RAI1: variants seen among roughly 807,000 people sequenced by gnomAD.
RAI1 encodes the protein retinoic acid induced 1.
A neutral mutation model predicts 123.8 loss-of-function variants in RAI1; 9 were observed. That is an observed-to-expected ratio of 0.07 (90% confidence interval 0.04 to 0.13). The LOEUF is 0.13. RAI1 is among the 10% of genes least tolerant of loss of function. The pLI is 1.00. For missense variants in RAI1, 2,256 were observed against 2,545.8 expected (o/e 0.89, Z 2.45); for synonymous variants, 1,231 against 1,127.3 (o/e 1.09, Z -1.84).
chr17:17,700,440 C>T (rs1403497065), intron 1 of RAI1, among the ~76,000 whole-genome samples: 3 of 151,790 alleles, frequency 2.0e-5, no homozygotes, highest in Admixed American at 2.0e-4. Flanking sequence ...TCGCGCGCAG[C>T]CCCTGCGGGG....
intron 1 of RAI1, among the ~76,000 whole-genome samples, chr17:17,694,515 CG>C (rs372771672): frequency 2.4e-4 from 37 of 152,292 alleles, no homozygotes; most frequent in African/African-American, 8.7e-4. Context: ...GCCAGACGCC[CG>C]GGCAGCTCCA....
At position 17,809,461 on chromosome 17, in the gene RAI1, T is replaced by C; in HGVS notation, c.5709+22T>C. 1 of 1,580,446 alleles carries C rather than the reference T, an allele frequency of 6.3e-7. No homozygotes were observed. The highest frequency in any genetic ancestry group is 8.7e-7 in the Non-Finnish European group (1 of 1,149,814). ...TAAGGTAGGGGACCACAGTGTTTTGTAGGGCGAGGGGTGTCAAGCGGGAGA... is the reference window on the plus strand; with the variant it reads ...TAAGGTAGGGGACCACAGTGTTTTGCAGGGCGAGGGGTGTCAAGCGGGAGA... On this transcript the variant is annotated intron_variant, in intron 5 of 5. Transcript: ENST00000353383. The surrounding 1 kb of genome is among the most constrained non-coding windows in gnomAD (Gnocchi z 4.9).
In RAI1 at chr17:17,797,321, T is replaced by G. The variant is rs1026418716; in HGVS notation, c.4373T>G (p.Leu1458Arg). The G allele has an allele frequency of 5.0e-6, 8 of 1,612,166 alleles. No homozygotes were observed. The highest frequency in any genetic ancestry group is 6.8e-6 in the Non-Finnish European group (8 of 1,179,798). Residue 1458 changes from leucine to arginine, a missense_variant, in exon 3 of 6, where the codon CTC becomes CGC. Physicochemically the swap from Leu to Arg is moderately radical, Grantham distance 102. Around this residue, in one of 7 missense-constraint regions of RAI1, gnomAD observed 410 missense variants for 374.6 expected, o/e 1.09. Coordinates refer to ENST00000353383, the MANE Select transcript of RAI1 (RefSeq NM_030665.4). ...AAAGGCCGGGCAGGGGCCCATGGACTCTCCAAAGGCCCGCTGGAGAAGCGG... is the reference window on the plus strand; with the variant it reads ...AAAGGCCGGGCAGGGGCCCATGGACGCTCCAAAGGCCCGCTGGAGAAGCGG... ...SRKGRAGAHGLSKGPLEKRPY... is the reference protein window; with the variant it reads ...SRKGRAGAHGRSKGPLEKRPY...
chr17:17,748,232 T>C (rs1816285316), intron 2 of RAI1, among the ~76,000 whole-genome samples: 1 of 152,206 alleles, frequency 6.6e-6, no homozygotes, highest in Admixed American at 6.5e-5. Flanking sequence ...TACAGGCTGT[T>C]GGAGATGGGG....
chr17:17,749,082 A>AAT (rs1036348968), intron 2 of RAI1, among the ~76,000 whole-genome samples: 1 of 152,196 alleles, frequency 6.6e-6, no homozygotes, highest in African/African-American at 2.4e-5. Flanking sequence ...CGAATCCTGC[A>AAT]ATACCCTTCA....
intron 2 of RAI1, among the ~76,000 whole-genome samples, chr17:17,724,880 C>T (rs1249770212): frequency 1.3e-5 from 2 of 152,278 alleles, no homozygotes; most frequent in African/African-American, 2.4e-5. Flanking sequence ...AACACTTCCC[C>T]TGGAGACCCC....
chr17:17,781,800 G>T (rs1228737695), intron 2 of RAI1, among the ~76,000 whole-genome samples: 1 of 152,254 alleles, frequency 6.6e-6, no homozygotes, highest in East Asian at 1.9e-4. Flanking sequence ...GCTTAGGGAG[G>T]GAACTGGAAA....
chr17:17,692,167 A>G (rs1333568946), intron 1 of RAI1, among the ~76,000 whole-genome samples: 1 of 152,186 alleles, frequency 6.6e-6, no homozygotes, highest in Non-Finnish European at 1.5e-5. Flanking sequence ...CTAATTAAAC[A>G]AAGAGGACCT....
At chr17:17,792,623 G>C (rs1350993693) in intron 2 of RAI1, among the ~76,000 whole-genome samples, 4 of 151,824 alleles carry the variant, frequency 2.6e-5, no homozygotes, top group Non-Finnish European at 5.9e-5. Flanking sequence ...CTGGGCAGCC[G>C]GTTTTGCCTC....
chr17:17,796,899 G>A lies in RAI1; in HGVS notation c.3951G>A (p.Lys1317=). 1 of 1,613,334 alleles carries A rather than the reference G, an allele frequency of 6.2e-7. No homozygotes were observed. The highest frequency in any genetic ancestry group is 8.5e-7 in the Non-Finnish European group (1 of 1,180,028). The change falls in exon 3 of 6, where the codon AAG becomes AAA. Residue 1317 remains lysine, a synonymous_variant. Transcript: ENST00000353383. The surrounding 1 kb of genome is among the most constrained non-coding windows in gnomAD (Gnocchi z 5.8). ...RAAFQGAMKT[K]VLPPRKGRGL... is the part of the protein sequence containing the mutation. ...CCTTCCAGGGGGCCATGAAGACCAA[G>A]GTGCTGCCACCCCGGAAGGGCCGGG...
At chr17:17,743,343 T>C (rs1916705027) in intron 2 of RAI1, among the ~76,000 whole-genome samples, 1 of 152,194 alleles carries the variant, frequency 6.6e-6, no homozygotes, top group Non-Finnish European at 1.5e-5. Flanking sequence ...TGATAAATGG[T>C]AGCCTTTGTG....
At chr17:17,768,147 C>G (rs1354909927) in intron 2 of RAI1, among the ~76,000 whole-genome samples, 1 of 152,204 alleles carries the variant, frequency 6.6e-6, no homozygotes, top group African/African-American at 2.4e-5. Flanking sequence ...GACCTTCTTG[C>G]AGCATTCAGC....
chr17:17,761,106 C>T (rs1469157940), intron 2 of RAI1, among the ~76,000 whole-genome samples: 1 of 152,224 alleles, frequency 6.6e-6, no homozygotes, highest in Non-Finnish European at 1.5e-5. Context: ...TCTCTGTGCT[C>T]AGAGTCCTCA....
In RAI1 at chr17:17,811,350, G is replaced by T; in HGVS notation, c.*1369G>T. 4.2e-6 allele frequency: 1 copy of T among 239,230 alleles called. No homozygotes were observed. 14.8% of individuals were successfully genotyped at this position (239,230 alleles called of 1,614,324 possible). ...CACTGAAGATTGTGTGTATCGAGCT[G>T]TTTCTAAAAGATGTTTATTTTCCTT... On this transcript the variant is annotated 3_prime_UTR_variant, in exon 6 of 6. Transcript: ENST00000353383.
chr17:17,745,013 G>A (rs1916778698), intron 2 of RAI1, among the ~76,000 whole-genome samples: 1 of 152,100 alleles, frequency 6.6e-6, no homozygotes, highest in African/African-American at 2.4e-5. Flanking sequence ...GGCTCTCACA[G>A]TCCTGGTGGG....
chr17:17,781,787 G>C (rs903440018), intron 2 of RAI1, among the ~76,000 whole-genome samples: 3 of 152,236 alleles, frequency 2.0e-5, no homozygotes, highest in African/African-American at 7.2e-5. Context: ...TTTGTTTAGA[G>C]CGGCTTAGGG....
In RAI1 at chr17:17,796,794, C is replaced by T. The variant is rs773995967; in HGVS notation, c.3846C>T (p.Thr1282=). Residue 1282 remains threonine, a synonymous_variant, in exon 3 of 6, where the codon ACC becomes ACT. Coordinates refer to ENST00000353383, the MANE Select transcript of RAI1 (RefSeq NM_030665.4). This position sits in a 1 kb window ranked among gnomAD's most constrained non-coding sequence, Gnocchi z 5.8. ...RMSSPKKAKP[T]KGNGEPATKL... ...CTTCTCCCAAGAAAGCCAAGCCCACCAAGGGCAATGGCGAGCCTGCCACAA... is the reference window on the plus strand; with the variant it reads ...CTTCTCCCAAGAAAGCCAAGCCCACTAAGGGCAATGGCGAGCCTGCCACAA... 8 of 1,612,530 alleles carry T rather than the reference C, an allele frequency of 5.0e-6. No homozygotes were observed. In the African/African-American group the frequency reaches 9.3e-5, roughly 19 times the overall value.
chr17:17,728,174 T>C (rs113299229), intron 2 of RAI1, among the ~76,000 whole-genome samples: 32 of 152,046 alleles, frequency 2.1e-4, no homozygotes, highest in Non-Finnish European at 4.3e-4. Context: ...TGCATGCATG[T>C]GTGCATGTCT....
intron 2 of RAI1, among the ~76,000 whole-genome samples, chr17:17,779,777 T>TC (rs1257240677): frequency 1.3e-5 from 2 of 149,918 alleles, no homozygotes; most frequent in Non-Finnish European, 3.0e-5. Flanking sequence ...CACCCTTTTT[T>TC]TTTTTTTTTT....
Sources: gnomAD v4.1 joint callset for allele counts (sites outside exome capture counted in the v4.1 genomes callset) on GRCh38, gnomAD v4.1.1 for gene constraint, gnomAD v4.1.1 regional missense constraint, Gnocchi (gnomAD v3.1) non-coding constraint, MANE v1.5 for transcripts, NCBI Gene and HGNC (gene_info 2026-07-23, HGNC 2026-07-21) for gene names.